MTRF1: variants seen among roughly 807,000 people sequenced by gnomAD.
MTRF1 encodes the protein peptide chain release factor 1, mitochondrial.
In MTRF1, 51 loss-of-function variants were observed where a neutral mutation model predicts 62.9. The ratio of observed to expected loss-of-function variants is 0.81; its 90% CI spans 0.65 to 1.02. The LOEUF (loss-of-function observed/expected upper bound fraction) is 1.02, where lower values mean the gene tolerates loss of function less well. Among genes scored for constraint, MTRF1 ranks in the 50% least tolerant of loss-of-function variants. MTRF1 has a pLI of 0.00. For synonymous variants in MTRF1, 158 were observed against 181.9 expected, an observed-to-expected ratio of 0.87 and a Z score of 1.06; for missense variants, 446 against 530.0, an observed-to-expected ratio of 0.84 and a Z score of 1.56.
chr13:41,254,693 C>T, intron 2 of MTRF1, 73 bp from the exon 3 acceptor site: 1 of 1,082,576 alleles, frequency 9.2e-7, no homozygotes, highest in Non-Finnish European at 1.4e-6. Context: ...AGCCATGTTC[C>T]TCTTTGGCTA....
At chr13:41,225,583 G>T (rs1380983037) in intron 8 of MTRF1, among the ~76,000 whole-genome samples, 1 of 152,060 alleles carries the variant, frequency 6.6e-6, no homozygotes, top group Non-Finnish European at 1.5e-5. Context: ...TAGATGAAAA[G>T]TATAACTAAT....
At chr13:41,271,872 A>C in the MTRF1 span, among the ~76,000 whole-genome samples, 1 of 152,136 alleles carries the variant, frequency 6.6e-6, no homozygotes, top group South Asian at 2.1e-4. Flanking sequence ...AGCTGAATTG[A>C]GATCAACTTG....
chr13:41,303,650 C>T, the MTRF1 span, among the ~76,000 whole-genome samples: 2 of 152,100 alleles, frequency 1.3e-5, no homozygotes, highest in African/African-American at 4.8e-5. Context: ...TGAGTGAGGG[C>T]TAAGAAAACT....
the MTRF1 span, among the ~76,000 whole-genome samples, chr13:41,273,730 G>T: frequency 2.1e-4 from 32 of 152,042 alleles, no homozygotes; most frequent in Middle Eastern, 3.4e-3. Context: ...CCAGCTACTC[G>T]GGAGGCTGAG....
chr13:41,245,151 C>T (rs1057444380), intron 5 of MTRF1, among the ~76,000 whole-genome samples: 2 of 151,864 alleles, frequency 1.3e-5, no homozygotes, highest in Non-Finnish European at 2.9e-5. Context: ...CTGATTTATT[C>T]ATTTCTAAAA....
intron 7 of MTRF1, 33 bp from the exon 8 acceptor site, chr13:41,226,601 T>C (rs752906665): frequency 6.2e-7 from 1 of 1,609,944 alleles, no homozygotes. Context: ...AGGTAAACTG[T>C]AGCTTCCACC....
chr13:41,260,466 C>A, intron 2 of MTRF1, 27 bp downstream of exon 2: 1 of 1,572,760 alleles, frequency 6.4e-7, no homozygotes, highest in South Asian at 1.2e-5. Flanking sequence ...AGCCCTTATG[C>A]AGGACACATA....
At chr13:41,265,336 G>A (rs533445893), upstream of MTRF1, among the ~76,000 whole-genome samples, 1 of 151,474 alleles carries the variant, frequency 6.6e-6, no homozygotes, top group Non-Finnish European at 1.5e-5. Flanking sequence ...CAGGAGAATC[G>A]CTTGAACCCA....
At chr13:41,267,719 AG>A (rs1028317380), upstream of MTRF1, among the ~76,000 whole-genome samples, 1 of 152,124 alleles carries the variant, frequency 6.6e-6, no homozygotes, top group Non-Finnish European at 1.5e-5. Flanking sequence ...TAAAAAAATT[AG>A]CCAGGTGTGG....
intron 9 of MTRF1, among the ~76,000 whole-genome samples, chr13:41,221,906 G>A (rs781105631): frequency 6.6e-6 from 1 of 152,176 alleles, no homozygotes; most frequent in Non-Finnish European, 1.5e-5. Flanking sequence ...GTGTGTTTCC[G>A]GAGGAAAGGG....
At chr13:41,240,199 A>C in intron 6 of MTRF1, 62 bp downstream of exon 6, 1 of 1,461,710 alleles carries the variant, frequency 6.8e-7, no homozygotes, top group Non-Finnish European at 9.2e-7. Flanking sequence ...CTAGAAGCTA[A>C]GGCTTCCAGC....
intron 9 of MTRF1, 130 bp downstream of exon 9, chr13:41,223,126 G>T: frequency 3.5e-6 from 2 of 565,340 alleles, no homozygotes; most frequent in Non-Finnish European, 5.9e-6. Flanking sequence ...TAAATTTTAG[G>T]GTGGCTTAAT....
the MTRF1 span, among the ~76,000 whole-genome samples, chr13:41,278,841 C>A: frequency 6.0e-4 from 92 of 152,318 alleles, no homozygotes; most frequent in African/African-American, 2.0e-3. Context: ...GAATGGACCC[C>A]TCCTCTGCCA....
chr13:41,295,367 A>G, the MTRF1 span, among the ~76,000 whole-genome samples: 5 of 152,176 alleles, frequency 3.3e-5, no homozygotes, highest in Non-Finnish European at 1.5e-5. Flanking sequence ...TCCCTACACA[A>G]GGTACTAGTT....
rs1255067187 is a variant in MTRF1, at chr13:41,260,884, C to CCAAA, written c.20_23dup (p.Trp8CysfsTer5). The CCAAA allele has an allele frequency of 3.1e-6, 5 of 1,608,464 alleles. No individual in the cohort carries two copies. The highest frequency in any genetic ancestry group is 4.3e-6 in the Non-Finnish European group (5 of 1,175,758). On this transcript the variant is annotated frameshift_variant, in exon 2 of 10. Transcript: ENST00000379480. LOFTEE classifies it high-confidence loss of function. ...CATTAAGAGATGGATGTCTAAAAAG[C>CCAAA]CAAACACACAGGTGACGATTCATCT...
the MTRF1 span, among the ~76,000 whole-genome samples, chr13:41,310,701 T>C: frequency 6.6e-6 from 1 of 152,100 alleles, no homozygotes; most frequent in Non-Finnish European, 1.5e-5. Context: ...AAACAAAGAT[T>C]GTAAATGTTT....
At chr13:41,231,896 AAG>A (rs1471228510) in intron 7 of MTRF1, among the ~76,000 whole-genome samples, 104 of 149,708 alleles carry the variant, frequency 6.9e-4, no homozygotes, top group Non-Finnish European at 1.2e-3. Flanking sequence ...AAAAAAAAAA[AAG>A]CAAAAATTAG....
intron 8 of MTRF1, among the ~76,000 whole-genome samples, chr13:41,223,798 T>C (rs78935301): frequency 0.02 from 3,048 of 152,324 alleles, 112 homozygotes; most frequent in African/African-American, 0.069. Context: ...ATTCTCCAAC[T>C]GCCCATTTCC....
the MTRF1 span, among the ~76,000 whole-genome samples, chr13:41,284,400 T>C: frequency 2.0e-5 from 3 of 151,146 alleles, no homozygotes. Context: ...GGAGAATCAC[T>C]TGAACCTGGG....
Sources: allele counts gnomAD v4.1 joint callset (sites outside exome capture counted in the v4.1 genomes callset), GRCh38; gene constraint gnomAD v4.1.1; transcripts MANE v1.5; gene names NCBI Gene and HGNC (gene_info 2026-07-23, HGNC 2026-07-21).